ATP8A2: variants seen among roughly 807,000 people sequenced by gnomAD.
The protein encoded by ATP8A2 is phospholipid-transporting ATPase IB.
ATP8A2 carries 100 observed loss-of-function variants against 165.6 expected under a neutral mutation model. The ratio of observed to expected loss-of-function variants is 0.60; its 90% CI spans 0.51 to 0.71. The LOEUF (loss-of-function observed/expected upper bound fraction) is 0.71. ATP8A2 is among the 30% of genes least tolerant of loss of function. The pLI, the probability that ATP8A2 is intolerant of heterozygous loss-of-function variation, is 0.00. For synonymous variants in ATP8A2, 543 were observed against 548.8 expected (o/e 0.99, Z 0.15); for missense variants, 1,227 against 1,479.5 (o/e 0.83, Z 2.80).
At chr13:25,651,495 T>C (rs1031285515) in intron 24 of ATP8A2, among the ~76,000 whole-genome samples, 14 of 152,108 alleles carry the variant, frequency 9.2e-5, no homozygotes, top group African/African-American at 3.4e-4. Context: ...GCTGTTATAG[T>C]AAGCTTTTTT....
chr13:25,465,355 G>GA (rs1170121204), intron 1 of ATP8A2, among the ~76,000 whole-genome samples: 3 of 152,148 alleles, frequency 2.0e-5, no homozygotes, highest in South Asian at 4.2e-4. Flanking sequence ...TTCTACCTAG[G>GA]AAAAAATCCC....
intron 27 of ATP8A2, among the ~76,000 whole-genome samples, chr13:25,788,891 T>C (rs1008777393): frequency 2.6e-5 from 4 of 152,170 alleles, no homozygotes; most frequent in Non-Finnish European, 5.9e-5. Context: ...CTGACCCAAA[T>C]TGGTATTTAT....
intron 1 of ATP8A2, among the ~76,000 whole-genome samples, chr13:25,421,008 G>A (rs1384848695): frequency 3.9e-5 from 6 of 152,130 alleles, no homozygotes; most frequent in Non-Finnish European, 8.8e-5. Flanking sequence ...TATTTCTAAA[G>A]CTTTGATTGA....
At chr13:25,939,984 C>T (rs1376086266) in intron 33 of ATP8A2, among the ~76,000 whole-genome samples, 1 of 152,180 alleles carries the variant, frequency 6.6e-6, no homozygotes, top group African/African-American at 2.4e-5. Context: ...CCACCATCTG[C>T]TTGACTCCGT....
At chr13:25,406,724 C>G (rs2033812201) in intron 1 of ATP8A2, among the ~76,000 whole-genome samples, 2 of 152,204 alleles carry the variant, frequency 1.3e-5, no homozygotes, top group Non-Finnish European at 2.9e-5. Flanking sequence ...GGATCCACCT[C>G]ACTTCCGGAA....
intron 27 of ATP8A2, among the ~76,000 whole-genome samples, chr13:25,777,236 A>C (rs760748787): frequency 2.0e-5 from 3 of 152,186 alleles, no homozygotes; most frequent in Non-Finnish European, 4.4e-5. Flanking sequence ...TTAATTTGAA[A>C]ACCAAGAAAG....
intron 1 of ATP8A2, among the ~76,000 whole-genome samples, chr13:25,391,343 C>T (rs1444911356): frequency 6.6e-6 from 1 of 152,248 alleles, no homozygotes; most frequent in Non-Finnish European, 1.5e-5. Flanking sequence ...ATCTATTCAT[C>T]TGTCCATCCA....
chr13:25,860,874 A>G lies in ATP8A2; in HGVS notation c.3075+14A>G, dbSNP rs1470709134. 1 of 1,561,048 alleles carries G rather than the reference A, an allele frequency of 6.4e-7. No homozygotes were observed. Among genetic ancestry groups the G allele is most frequent in the East Asian group, 2.3e-5 (1 of 44,164 alleles). ...GCTTGGACTAAAGTAAGTTTTCTCT[A>G]GAATTGTTTCTCTGTTCAGTATAGA... On this transcript the variant is annotated intron_variant, in intron 32 of 36. Coordinates refer to ENST00000381655, the MANE Select transcript of ATP8A2 (RefSeq NM_016529.6).
At chr13:25,954,411 G>A (rs1293469644) in intron 33 of ATP8A2, among the ~76,000 whole-genome samples, 1 of 152,248 alleles carries the variant, frequency 6.6e-6, no homozygotes, top group Admixed American at 6.5e-5. Context: ...CCTGGGGGAA[G>A]GGGCAGCTGT....
At chr13:25,992,594 G>T (rs2139294684) in intron 35 of ATP8A2, among the ~76,000 whole-genome samples, 1 of 152,058 alleles carries the variant, frequency 6.6e-6, no homozygotes, top group African/African-American at 2.4e-5. Flanking sequence ...TGTGAATTAT[G>T]CTTTTGGTGT....
intron 28 of ATP8A2, among the ~76,000 whole-genome samples, chr13:25,834,535 G>A (rs1951556494): frequency 6.6e-6 from 1 of 152,126 alleles, no homozygotes; most frequent in South Asian, 2.1e-4. Context: ...AAAAAAAATG[G>A]CACATCCATA....
chr13:25,640,914 G>C (rs1322265966), intron 24 of ATP8A2, among the ~76,000 whole-genome samples: 1 of 152,196 alleles, frequency 6.6e-6, no homozygotes, highest in African/African-American at 2.4e-5. Flanking sequence ...CCATGATCAA[G>C]TGGGCTTCAT....
intron 1 of ATP8A2, among the ~76,000 whole-genome samples, chr13:25,420,735 G>A (rs1173178377): frequency 6.6e-6 from 1 of 152,142 alleles, no homozygotes; most frequent in East Asian, 1.9e-4. Context: ...GCTCTCATTC[G>A]CATGGTCACA....
chr13:25,634,138 G>A (rs57343436), intron 24 of ATP8A2, among the ~76,000 whole-genome samples: 5,268 of 152,172 alleles, frequency 0.035, 156 homozygotes, highest in East Asian at 0.13. Flanking sequence ...AATTTAAAGC[G>A]GATAAACTCA....
At chr13:25,811,187 C>T (rs1184716213) in intron 27 of ATP8A2, among the ~76,000 whole-genome samples, 1 of 152,112 alleles carries the variant, frequency 6.6e-6, no homozygotes, top group Non-Finnish European at 1.5e-5. Context: ...GATGTAATCA[C>T]ATGATTTAAA....
chr13:25,685,456 G>A (rs917850424), intron 24 of ATP8A2, among the ~76,000 whole-genome samples: 3 of 152,336 alleles, frequency 2.0e-5, no homozygotes, highest in Non-Finnish European at 2.9e-5. Flanking sequence ...CTAGTGGGGA[G>A]GGTGGACAGT....
chr13:25,969,933 G>A (rs1955875437), intron 35 of ATP8A2, among the ~76,000 whole-genome samples: 1 of 152,124 alleles, frequency 6.6e-6, no homozygotes, highest in Admixed American at 6.6e-5. Flanking sequence ...TCAGACAGCT[G>A]AGGCATAAGG....
chr13:25,618,151 G>C (rs1258876028), intron 24 of ATP8A2, among the ~76,000 whole-genome samples: 4 of 152,070 alleles, frequency 2.6e-5, no homozygotes. Flanking sequence ...CTTTCTTTTG[G>C]TACATGTTAT....
intron 33 of ATP8A2, among the ~76,000 whole-genome samples, chr13:25,908,233 G>T (rs1954002790): frequency 6.6e-6 from 1 of 152,084 alleles, no homozygotes; most frequent in South Asian, 2.1e-4. Flanking sequence ...CTAATGCAGT[G>T]GTGTCAGTAG....
Sources: gnomAD v4.1 joint callset for allele counts (sites outside exome capture counted in the v4.1 genomes callset) on GRCh38, gnomAD v4.1.1 for gene constraint, MANE v1.5 for transcripts, NCBI Gene and HGNC (gene_info 2026-07-23, HGNC 2026-07-21) for gene names.